SFMBT2: variants seen among roughly 807,000 people sequenced by gnomAD.
SFMBT2 encodes the protein Scm like with four mbt domains 2.
SFMBT2 carries 38 observed loss-of-function variants against 110.1 expected under a neutral mutation model. That is an observed-to-expected ratio of 0.35 (90% CI 0.27 to 0.45). The LOEUF is 0.45. Among genes scored for constraint, SFMBT2 ranks in the 20% least tolerant of loss-of-function variants. SFMBT2 has a pLI of 1.00. For missense variants in SFMBT2, 1,011 were observed against 1,094.9 expected, an observed-to-expected ratio of 0.92 and a Z score of 1.08; for synonymous variants, 425 against 425.4, an observed-to-expected ratio of 1.00 and a Z score of 0.01.
intron 1 of SFMBT2, among the ~76,000 whole-genome samples, chr10:7,401,473 A>C (rs532393363): frequency 6.6e-6 from 1 of 152,354 alleles, no homozygotes; most frequent in African/African-American, 2.4e-5. Context: ...ACTATGAAAG[A>C]ACAATTATGA....
At chr10:7,400,727 A>T (rs577638608) in intron 1 of SFMBT2, among the ~76,000 whole-genome samples, 1 of 152,366 alleles carries the variant, frequency 6.6e-6, no homozygotes, top group Admixed American at 6.5e-5. Flanking sequence ...GCTTCTCAGA[A>T]GAGCCCTGCC....
chr10:7,193,310 C>T (rs1838661032), intron 15 of SFMBT2, among the ~76,000 whole-genome samples: 1 of 152,212 alleles, frequency 6.6e-6, no homozygotes, highest in Non-Finnish European at 1.5e-5. Flanking sequence ...ACATGAAAGG[C>T]ATGTTTCTCT....
rs769997634 is a variant in SFMBT2 at position 7,248,523 on chromosome 10, C to A, written c.972+25G>T. ...ATTTGATCCACTCTAGGGGCTGGGTCGAAGAGCGAGGGAGGAAAACCCACC... is the reference window on the plus strand; with the variant it reads ...ATTTGATCCACTCTAGGGGCTGGGTAGAAGAGCGAGGGAGGAAAACCCACC... On this transcript the variant is annotated intron_variant, in intron 8 of 20. Transcript: ENST00000397167. The A allele has an allele frequency of 2.5e-6, 4 of 1,595,814 alleles. No homozygotes were observed. In the Admixed American group the frequency reaches 5.0e-5, roughly 20 times the overall value.
intron 7 of SFMBT2, among the ~76,000 whole-genome samples, chr10:7,270,008 T>C (rs1219752994): frequency 2.6e-5 from 4 of 151,962 alleles, no homozygotes; most frequent in Admixed American, 1.3e-4. Context: ...GGTTGAAGAG[T>C]GTCTCCCTGC....
intron 4 of SFMBT2, among the ~76,000 whole-genome samples, chr10:7,359,401 G>A (rs1448229972): frequency 6.6e-6 from 1 of 152,214 alleles, no homozygotes; most frequent in African/African-American, 2.4e-5. Context: ...TGACAATTAT[G>A]GAAGTGAAGG....
chr10:7,335,578 CAG>C (rs1252897535), intron 4 of SFMBT2, among the ~76,000 whole-genome samples: 4 of 100,726 alleles, frequency 4.0e-5, no homozygotes, highest in South Asian at 4.2e-4. Flanking sequence ...GAAACAGAAA[CAG>C]AAACACACAC....
At chr10:7,204,817 G>C (rs1226054664) in intron 12 of SFMBT2, 8 of 396,108 alleles carry the variant, frequency 2.0e-5, no homozygotes, top group Non-Finnish European at 2.7e-5. Flanking sequence ...AGGTTGCAGA[G>C]AGCCGAGATA....
intron 7 of SFMBT2, among the ~76,000 whole-genome samples, chr10:7,260,061 G>T (rs1841146214): frequency 1.3e-5 from 2 of 152,168 alleles, no homozygotes; most frequent in Admixed American, 1.3e-4. Context: ...GAGGTGCTTT[G>T]CATGCACAGG....
In SFMBT2 at chr10:7,170,880, T is replaced by G. The variant is rs1221775219; in HGVS notation, c.2544+48A>C. ...GCTAGGACACGAGGTTCATTTCAGATGCAGAGTCTCAGCACATCAAACAAT... is the reference window on the plus strand; with the variant it reads ...GCTAGGACACGAGGTTCATTTCAGAGGCAGAGTCTCAGCACATCAAACAAT... On this transcript the variant is annotated intron_variant, in intron 20 of 20. Transcript: ENST00000397167. This position sits in a 1 kb window ranked among gnomAD's most constrained non-coding sequence, Gnocchi z 4.6. 6.2e-7 allele frequency: 1 copy of G among 1,612,114 alleles called. No individual in the cohort carries two copies. Among genetic ancestry groups the G allele is most frequent in the South Asian group, 1.1e-5 (1 of 91,000 alleles).
At chr10:7,319,487 G>A (rs1343091778) in intron 4 of SFMBT2, among the ~76,000 whole-genome samples, 1 of 152,192 alleles carries the variant, frequency 6.6e-6, no homozygotes, top group Non-Finnish European at 1.5e-5. Context: ...CGTCCTTCAC[G>A]TACAAAGGTA....
intron 4 of SFMBT2, among the ~76,000 whole-genome samples, chr10:7,349,196 T>C (rs950047383): frequency 1.3e-5 from 2 of 152,110 alleles, no homozygotes; most frequent in Non-Finnish European, 2.9e-5. Flanking sequence ...TAAAACAAAA[T>C]GACCCGGCAT....
chr10:7,328,781 A>G (rs1843471415), intron 4 of SFMBT2, among the ~76,000 whole-genome samples: 1 of 152,200 alleles, frequency 6.6e-6, no homozygotes, highest in Non-Finnish European at 1.5e-5. Flanking sequence ...TTAAAATGCA[A>G]AAGTCTCTCT....
chr10:7,316,069 A>C (rs1843002418), intron 4 of SFMBT2, among the ~76,000 whole-genome samples: 1 of 152,250 alleles, frequency 6.6e-6, no homozygotes, highest in South Asian at 2.1e-4. Context: ...GGGAAGAGAT[A>C]CAAAGACCAT....
chr10:7,340,811 TA>T (rs71382100), intron 4 of SFMBT2, among the ~76,000 whole-genome samples: 14,360 of 129,120 alleles, frequency 0.11, 839 homozygotes, highest in South Asian at 0.2. Flanking sequence ...GTCATTGACT[TA>T]AAAAAAAAAA....
At chr10:7,401,563 G>A (rs1275115026) in intron 1 of SFMBT2, among the ~76,000 whole-genome samples, 2 of 152,178 alleles carry the variant, frequency 1.3e-5, no homozygotes, top group African/African-American at 4.8e-5. Flanking sequence ...AAAGAAGGAG[G>A]CTGCCCAGAA....
intron 4 of SFMBT2, among the ~76,000 whole-genome samples, chr10:7,325,260 G>A (rs560005287): frequency 3.1e-4 from 47 of 151,932 alleles, no homozygotes; most frequent in South Asian, 2.1e-3. Context: ...GAGCCACCGC[G>A]CCCCCACCCA....
At chr10:7,198,730 AATG>A (rs1413277911) in intron 14 of SFMBT2, among the ~76,000 whole-genome samples, 3 of 152,156 alleles carry the variant, frequency 2.0e-5, no homozygotes, top group African/African-American at 7.2e-5. Flanking sequence ...AGAATAATTA[AATG>A]ATAAGACCTC....
chr10:7,220,384 C>T (rs771470725), intron 11 of SFMBT2, 27 bp downstream of exon 11: 8 of 1,605,862 alleles, frequency 5.0e-6, no homozygotes, highest in South Asian at 2.2e-5. Flanking sequence ...TTCCCCCCAG[C>T]GACTGCTACC....
At chr10:7,266,192 C>A (rs1349801334) in intron 7 of SFMBT2, among the ~76,000 whole-genome samples, 1 of 151,954 alleles carries the variant, frequency 6.6e-6, no homozygotes, top group South Asian at 2.1e-4. Flanking sequence ...CGGGTTCAAG[C>A]GATTCTCCTG....
Sources: gnomAD v4.1 joint callset for allele counts (sites outside exome capture counted in the v4.1 genomes callset) on GRCh38, gnomAD v4.1.1 for gene constraint, Gnocchi (gnomAD v3.1) non-coding constraint, MANE v1.5 for transcripts, NCBI Gene and HGNC (gene_info 2026-07-23, HGNC 2026-07-21) for gene names.